POF1B: variants seen among roughly 807,000 people sequenced by gnomAD.
POF1B encodes protein POF1B.
In POF1B, 53 loss-of-function variants were observed where a neutral mutation model predicts 55.3. The observed-to-expected ratio is 0.96, with a 90% confidence interval of 0.77 to 1.20. The LOEUF (loss-of-function observed/expected upper bound fraction) is 1.20. Among genes scored for constraint, POF1B ranks in the 50% most tolerant of loss-of-function variants. The pLI is 0.00. For missense variants in POF1B, 478 were observed against 420.5 expected (o/e 1.14, Z -1.20); for synonymous variants, 188 against 148.3 (o/e 1.27, Z -1.95).
chrX:85,283,896 T>A (rs1033182153), intron 15 of POF1B, among the ~76,000 whole-genome samples: 1 of 111,249 alleles, frequency 9.0e-6, no homozygotes, highest in Non-Finnish European at 1.9e-5. Flanking sequence ...AGCAATATTG[T>A]TAAAGTACTT....
chrX:85,370,238 A>T (rs1329184627), intron 2 of POF1B, among the ~76,000 whole-genome samples: 3 of 112,086 alleles, frequency 2.7e-5, no homozygotes, highest in Non-Finnish European at 5.6e-5. Context: ...AAACAGTTGT[A>T]TTTGAGCAAA....
chrX:85,362,869 T>C (rs188369515), intron 3 of POF1B, among the ~76,000 whole-genome samples: 4 of 111,497 alleles, frequency 3.6e-5, no homozygotes, highest in South Asian at 3.8e-4. Flanking sequence ...TGAATCCATC[T>C]GGTCCTGGGC....
intron 2 of POF1B, 102 bp downstream of exon 2, chrX:85,379,071 A>G: frequency 5.1e-6 from 5 of 977,113 alleles, no homozygotes; most frequent in Non-Finnish European, 7.0e-6. Context: ...GCAATCCACC[A>G]AAAGATATCC....
At chrX:85,284,606 T>G (rs973239627) in intron 15 of POF1B, among the ~76,000 whole-genome samples, 35 of 110,062 alleles carry the variant, frequency 3.2e-4, no homozygotes, top group Admixed American at 3.0e-3. Flanking sequence ...TAGCCATATG[T>G]AGAAAGCTGA....
At chrX:85,371,574 A>G (rs1933822013) in intron 2 of POF1B, among the ~76,000 whole-genome samples, 1 of 111,335 alleles carries the variant, frequency 9.0e-6, no homozygotes, top group Admixed American at 9.6e-5. Context: ...CATGCTCTTA[A>G]TCACCATATT....
chrX:85,372,790 T>TATATATATATATATATATATATA (rs1221938023), intron 2 of POF1B, among the ~76,000 whole-genome samples: 1 of 103,423 alleles, frequency 9.7e-6, no homozygotes, highest in African/African-American at 3.5e-5. Context: ...TATATATACT[T>TATATATATATATATATATATATA]TAAGTTCTGG....
chrX:85,288,937 T>G (rs1200962233), intron 15 of POF1B, among the ~76,000 whole-genome samples: 2 of 111,801 alleles, frequency 1.8e-5, no homozygotes, highest in Non-Finnish European at 3.8e-5. Flanking sequence ...GCTATGCAGC[T>G]CTGTGTGATG....
intron 7 of POF1B, among the ~76,000 whole-genome samples, chrX:85,318,614 T>C (rs929787127): frequency 1.3e-4 from 15 of 112,072 alleles, no homozygotes; most frequent in African/African-American, 4.9e-4. Flanking sequence ...CAGCACCATC[T>C]ATTGAATAGG....
At chrX:85,297,025 G>T (rs1423392732) in intron 15 of POF1B, among the ~76,000 whole-genome samples, 1 of 111,679 alleles carries the variant, frequency 9.0e-6, no homozygotes, top group African/African-American at 3.3e-5. Context: ...TGTTGTTAAT[G>T]CTTCAAAATG....
intron 7 of POF1B, among the ~76,000 whole-genome samples, chrX:85,318,570 T>C (rs1216735245): frequency 8.9e-6 from 1 of 112,065 alleles, no homozygotes; most frequent in Non-Finnish European, 1.9e-5. Context: ...AGGGTTCCAC[T>C]TTCAATATTC....
intron 15 of POF1B, among the ~76,000 whole-genome samples, chrX:85,295,916 C>T (rs1603026719): frequency 8.9e-6 from 1 of 112,458 alleles, no homozygotes; most frequent in African/African-American, 3.2e-5. Context: ...ATGTTATGCT[C>T]CAATGTTGGA....
chrX:85,379,433 C>T lies in POF1B; in HGVS notation c.22G>A (p.Glu8Lys). MSSSYWS[E>K]TSSSSCGTQQ... ...GTTCCACAGCTGCTGCTGCTCGTCT[C>T]ACTCCAATAGCTCGAGCTCATCTTC... Residue 8 changes from glutamate (E) to lysine (K), a missense_variant, in exon 2 of 17, where the codon GAG (glutamate) becomes AAG (lysine). Coordinates refer to ENST00000262753, the MANE Select transcript of POF1B (RefSeq NM_024921.4). The T allele has an allele frequency of 2.5e-6, 3 of 1,209,378 alleles. No individual in the cohort carries two copies. The highest frequency in any genetic ancestry group is 3.4e-6 in the Non-Finnish European group (3 of 895,035).
intron 7 of POF1B, among the ~76,000 whole-genome samples, chrX:85,322,173 A>T (rs1168229616): frequency 1.8e-5 from 2 of 111,557 alleles, no homozygotes; most frequent in Non-Finnish European, 3.8e-5. Context: ...TGGAGGTATC[A>T]TGCTACCTGA....
intron 7 of POF1B, among the ~76,000 whole-genome samples, chrX:85,322,177 T>C (rs1045740429): frequency 9.0e-6 from 1 of 111,418 alleles, no homozygotes; most frequent in Non-Finnish European, 1.9e-5. Context: ...GGTATCATGC[T>C]ACCTGACTTC....
chrX:85,313,895 G>T (rs983323516), intron 9 of POF1B, among the ~76,000 whole-genome samples: 1 of 110,430 alleles, frequency 9.1e-6, no homozygotes, highest in African/African-American at 3.3e-5. Flanking sequence ...TCCTTTCAAG[G>T]ATTCAACTTC....
chrX:85,293,500 A>G (rs1333440040), intron 15 of POF1B, among the ~76,000 whole-genome samples: 1 of 111,667 alleles, frequency 9.0e-6, no homozygotes, highest in Non-Finnish European at 1.9e-5. Context: ...GAGGAGCAAC[A>G]CACACTTGGC....
At chrX:85,288,766 C>A (rs1932113179) in intron 15 of POF1B, among the ~76,000 whole-genome samples, 1 of 110,978 alleles carries the variant, frequency 9.0e-6, no homozygotes, top group Admixed American at 9.6e-5. Context: ...CTTGCCACTG[C>A]CATGTTAAGA....
intron 15 of POF1B, among the ~76,000 whole-genome samples, chrX:85,290,636 A>C (rs375849912): frequency 8.9e-6 from 1 of 111,825 alleles, no homozygotes; most frequent in South Asian, 3.7e-4. Context: ...CTTTTTAATA[A>C]TAGCCATTCT....
At chrX:85,367,837 A>AT in intron 2 of POF1B, 71 bp from the exon 3 acceptor site, 1 of 665,969 alleles carries the variant, frequency 1.5e-6, no homozygotes, top group Non-Finnish European at 2.3e-6. Context: ...TTTTTTCTTT[A>AT]TTTTTATAAT....
Sources: allele counts gnomAD v4.1 joint callset (sites outside exome capture counted in the v4.1 genomes callset), GRCh38; gene constraint gnomAD v4.1.1; transcripts MANE v1.5; gene names NCBI Gene and HGNC (gene_info 2026-07-23, HGNC 2026-07-21).